HHIPL1: variants seen among roughly 807,000 people sequenced by gnomAD.
HHIPL1 encodes HHIP-like protein 1.
HHIPL1 carries 43 observed loss-of-function variants against 61.8 expected under a neutral mutation model. That is an observed-to-expected ratio of 0.70 (90% CI 0.55 to 0.90). The LOEUF is 0.90. Among genes scored for constraint, HHIPL1 ranks in the 40% least tolerant of loss-of-function variants. The probability of loss-of-function intolerance (pLI) is 0.00; values close to 1 mark genes in which losing one functional copy is unlikely to be tolerated. For missense variants in HHIPL1, 1,056 were observed against 1,157.7 expected, an observed-to-expected ratio of 0.91 and a Z score of 1.28; for synonymous variants, 482 against 515.8, an observed-to-expected ratio of 0.93 and a Z score of 0.89.
At chr14:99,630,668 C>T in the HHIPL1 span, among the ~76,000 whole-genome samples, 1 of 152,240 alleles carries the variant, frequency 6.6e-6, no homozygotes, top group East Asian at 1.9e-4. Context: ...ATGTGGGTCT[C>T]AGGAACAGGA....
At chr14:99,618,814 G>GGAAA in the HHIPL1 span, among the ~76,000 whole-genome samples, 136 of 152,368 alleles carry the variant, frequency 8.9e-4, no homozygotes, top group African/African-American at 3.2e-3. Flanking sequence ...GACCCAGGTA[G>GGAAA]GAAAGGAATG....
the HHIPL1 span, among the ~76,000 whole-genome samples, chr14:99,628,408 C>T: frequency 5.3e-5 from 8 of 152,062 alleles, no homozygotes; most frequent in African/African-American, 1.7e-4. Flanking sequence ...GATGAAACCC[C>T]GTCTCTACTA....
In HHIPL1 at chr14:99,652,278, C is replaced by T. The variant is rs147594765; in HGVS notation, c.310C>T (p.Leu104=). 2 of 1,613,714 alleles carry T rather than the reference C, an allele frequency of 1.2e-6. No individual in the cohort carries two copies. Among genetic ancestry groups the T allele is most frequent in the African/African-American group, 2.7e-5 (2 of 74,948 alleles). ...TGACGCCGAGGACCCATTCACGCCC[C>T]TGCGCACGGTGCCCGGGCTCTGCCA... ...LYDAEDPFTP[L]RTVPGLCQDY... Residue 104 remains leucine, a synonymous_variant, in exon 2 of 9, where the codon CTG becomes TTG. Coordinates refer to ENST00000330710, the MANE Select transcript of HHIPL1 (RefSeq NM_001127258.3).
chr14:99,626,818 C>T, the HHIPL1 span, among the ~76,000 whole-genome samples: 31,268 of 152,184 alleles, frequency 0.21, 3,591 homozygotes, highest in Admixed American at 0.34. Context: ...CCTGCAGGCT[C>T]CTCTGCGCTC....
chr14:99,659,737 G>A lies in HHIPL1; in HGVS notation c.1356G>A (p.Leu452=). The change falls in exon 4 of 9, where the codon CTG becomes CTA. Residue 452 remains leucine, a synonymous_variant. Transcript: ENST00000330710. ...GGTTCGAGTGCTACGACCGCAGCCT[G>A]TGCGCCAACACCTCTCTCAGTGAGT... The part of the protein sequence containing the change: ...REGFECYDRS[L]CANTSLNDLL... The A allele has an allele frequency of 1.4e-6, 2 of 1,444,476 alleles. No individual in the cohort carries two copies. Among genetic ancestry groups the A allele is most frequent in the East Asian group, 2.7e-5 (1 of 37,252 alleles). 89.5% of individuals were successfully genotyped at this position (1,444,476 alleles called of 1,614,324 possible). A position where few individuals can be genotyped will look rare whatever the true frequency, so the allele number is the denominator to read the frequency against.
rs758548827 is a variant in HHIPL1, at chr14:99,662,957, T to A, written c.1584T>A (p.Cys528Ter). 6.2e-7 allele frequency: 1 copy of A among 1,613,994 alleles called. No homozygotes were observed. Among genetic ancestry groups the A allele is most frequent in the Admixed American group, 1.7e-5 (1 of 59,990 alleles). ...SEICMGHGQT[C>*]EFPGLINNYY... ...TCTGCATGGGCCACGGCCAGACCTG[T>A]GAGTTCCCAGGCCTCATCAACAACT... is the stretch of plus-strand genomic sequence containing the variant. The change falls in exon 6 of 9, where the codon TGT becomes TGA. Residue 528 changes from cysteine (C) to a stop codon, truncating the protein, a stop_gained. Transcript: ENST00000330710. LOFTEE classifies it high-confidence loss of function.
At position 99,679,205 on chromosome 14, in the gene HHIPL1, T is replaced by C. The variant is rs2056417502; in HGVS notation, c.*3579T>C. The C allele has an allele frequency of 2.0e-5, 3 of 152,238 alleles. No homozygotes were observed. In the South Asian group the frequency reaches 6.2e-4, roughly 32 times the overall value. The allele number at this position is 152,238 out of a possible 1,614,324, so 9.4% of individuals were successfully genotyped here. On this transcript the variant is annotated 3_prime_UTR_variant, in exon 9 of 9. Coordinates refer to ENST00000330710, the MANE Select transcript of HHIPL1 (RefSeq NM_001127258.3). ...CAGCCCCACCCCACTGGGACACAAG[T>C]TCAGAGAAGGGCAGAGCTGGCTGCC... is the stretch of plus-strand genomic sequence containing the variant.
Position 99,678,156 on chromosome 14 carries a change from G to A in HHIPL1, c.*2530G>A, listed in dbSNP as rs2056408680. The stretch of plus-strand genomic sequence containing the variant: ...CCTATGCGGATCTAATGCCACTGCT[G>A]ATCTGGCAGGAGGCAGAGCTCAGGT... On this transcript the variant is annotated 3_prime_UTR_variant, in exon 9 of 9. Transcript: ENST00000330710. 6.6e-6 allele frequency: 1 copy of A among 152,232 alleles called. No individual in the cohort carries two copies. The highest frequency in any genetic ancestry group is 2.4e-5 in the African/African-American group (1 of 41,424). The allele number at this position is 152,232 out of a possible 1,614,324, so 9.4% of individuals were successfully genotyped here.
rs952089798 is a variant in HHIPL1 at position 99,676,873 on chromosome 14, G to C, written c.*1247G>C. On this transcript the variant is annotated 3_prime_UTR_variant, in exon 9 of 9. Transcript: ENST00000330710. Reference sequence around the variant, plus strand: ...TCAGCCTCGGATGGGAGCACGGGTGGGGGGTGGGTAAGCAGATGAGTCACC... The same window carrying C: ...TCAGCCTCGGATGGGAGCACGGGTGCGGGGTGGGTAAGCAGATGAGTCACC... 1 of 1,692 alleles carries C rather than the reference G, an allele frequency of 5.9e-4. No individual in the cohort carries two copies. The highest frequency in any genetic ancestry group is 8.2e-4 in the African/African-American group (1 of 1,216). 0.1% of individuals were successfully genotyped at this position (1,692 alleles called of 1,614,324 possible).
At chr14:99,634,350 C>A in the HHIPL1 span, among the ~76,000 whole-genome samples, 6 of 152,020 alleles carry the variant, frequency 3.9e-5, no homozygotes, top group African/African-American at 9.7e-5. Context: ...GGAAGTCCCC[C>A]GTGACGGCTC....
rs1340748856 is a variant in HHIPL1 at position 99,675,461 on chromosome 14, C to T, written c.2184C>T (p.Ala728=). 2 of 1,540,064 alleles carry T rather than the reference C, an allele frequency of 1.3e-6. No homozygotes were observed. The highest frequency in any genetic ancestry group is 1.7e-6 in the Non-Finnish European group (2 of 1,146,114). ...FAYAVRAVKR[A]EFGQGGSLPI... Reference sequence around the variant, plus strand: ...ACGCCGTGCGCGCCGTCAAGAGAGCCGAGTTCGGCCAGGGCGGCTCGCTGC... The same window carrying T: ...ACGCCGTGCGCGCCGTCAAGAGAGCTGAGTTCGGCCAGGGCGGCTCGCTGC... Residue 728 remains alanine (A), a synonymous_variant, in exon 9 of 9, where the codon GCC becomes GCT. Transcript: ENST00000330710. The surrounding 1 kb of genome is among the most constrained non-coding windows in gnomAD (Gnocchi z 5.4).
chr14:99,663,977 ATTATTTCAAAGCGGGTGGACACAG>A (rs2056198886), intron 6 of HHIPL1, among the ~76,000 whole-genome samples: 1 of 152,164 alleles, frequency 6.6e-6, no homozygotes, highest in African/African-American at 2.4e-5. Flanking sequence ...AAACCACATA[ATTATTTCAAAGCGGGTGGACACAG>A]CCTTCTTGCC....
chr14:99,649,760 C>T (rs2055896509), intron 1 of HHIPL1, among the ~76,000 whole-genome samples: 1 of 152,222 alleles, frequency 6.6e-6, no homozygotes, highest in African/African-American at 2.4e-5. Flanking sequence ...TGTGCCACTG[C>T]ACTCTAGCCT....
Position 99,677,764 on chromosome 14 carries a change from G to T in HHIPL1, c.*2138G>T, listed in dbSNP as rs2056405158. On this transcript the variant is annotated 3_prime_UTR_variant, in exon 9 of 9. Transcript: ENST00000330710. This position sits in a 1 kb window ranked among gnomAD's most constrained non-coding sequence, Gnocchi z 4.3. The stretch of plus-strand genomic sequence containing the variant: ...AGCTGGATTAGGAGGGTTGGCAAAG[G>T]GAGCTCTGGGTGCGGCCTCAGGCCC... The T allele has an allele frequency of 6.6e-6, 1 of 152,238 alleles. No individual in the cohort carries two copies. The highest frequency in any genetic ancestry group is 1.5e-5 in the Non-Finnish European group (1 of 68,066). The allele number at this position is 152,238 out of a possible 1,614,324, so 9.4% of individuals were successfully genotyped here.
the HHIPL1 span, among the ~76,000 whole-genome samples, chr14:99,618,848 G>A: frequency 6.6e-6 from 1 of 152,360 alleles, no homozygotes; most frequent in African/African-American, 2.4e-5. Context: ...TCTGGTGTAT[G>A]GGGTTGGCCA....
At chr14:99,656,867 G>A (rs531489547) in intron 2 of HHIPL1, 133 bp from the exon 3 acceptor site, 2,281 of 46,140 alleles carry the variant, frequency 0.049, 511 homozygotes, top group Admixed American at 0.079. Context: ...AAGGAAGGAA[G>A]GAAGGAAGGA....
rs796610228 is a variant in HHIPL1 at position 99,665,107 on chromosome 14, A to G, written c.1648+2086A>G. On this transcript the variant is annotated intron_variant, in intron 6 of 8. Transcript: ENST00000330710. ...CCCGGCTAATTTTTGTATTTTTTTTAGTAGAGATGGGGTTTCATCATGTTG... is the reference window on the plus strand; with the variant it reads ...CCCGGCTAATTTTTGTATTTTTTTTGGTAGAGATGGGGTTTCATCATGTTG... 2.8e-4 allele frequency among the ~76,000 whole-genome samples: 43 copies of G among 151,976 alleles called. 1 individual carries two copies. The highest frequency in any genetic ancestry group is 1.0e-3 in the African/African-American group (43 of 41,476).
At chr14:99,623,126 T>C in the HHIPL1 span, among the ~76,000 whole-genome samples, 1 of 152,200 alleles carries the variant, frequency 6.6e-6, no homozygotes, top group South Asian at 2.1e-4. Flanking sequence ...AAGAGCACCC[T>C]AGGAGGAAAG....
upstream of HHIPL1, among the ~76,000 whole-genome samples, chr14:99,641,771 G>T (rs747791305): frequency 6.6e-6 from 1 of 151,970 alleles, no homozygotes; most frequent in Non-Finnish European, 1.5e-5. Context: ...CTATAGGTAA[G>T]GTATTTTTCC....
Sources: allele counts gnomAD v4.1 joint callset (sites outside exome capture counted in the v4.1 genomes callset), GRCh38; gene constraint gnomAD v4.1.1; non-coding constraint Gnocchi (gnomAD v3.1); transcripts MANE v1.5; gene names NCBI Gene and HGNC (gene_info 2026-07-23, HGNC 2026-07-21).